PLAGL1: variants seen among roughly 807,000 people sequenced by gnomAD.
The protein encoded by PLAGL1 is zinc finger protein PLAGL1.
PLAGL1 carries 1 observed loss-of-function variant against 4.6 expected under a neutral mutation model. The ratio of observed to expected loss-of-function variants is 0.22; its 90% CI spans 0.08 to 1.03. The LOEUF (loss-of-function observed/expected upper bound fraction) is 1.03. PLAGL1 is among the 50% of genes least tolerant of loss of function. PLAGL1 has a pLI of 0.58. For missense variants in PLAGL1, 464 were observed against 570.4 expected, an observed-to-expected ratio of 0.81 and a Z score of 1.90; for synonymous variants, 240 against 237.8, an observed-to-expected ratio of 1.01 and a Z score of -0.08.
chr6:143,948,139 G>A lies in PLAGL1; in HGVS notation c.-3C>T. 1.2e-6 allele frequency: 2 copies of A among 1,612,746 alleles called. No homozygotes were observed. The highest frequency in any genetic ancestry group is 1.7e-6 in the Non-Finnish European group (2 of 1,179,478). On this transcript the variant is annotated 5_prime_UTR_variant, in exon 7 of 8. Transcript: ENST00000674357. The surrounding 1 kb of genome is among the most constrained non-coding windows in gnomAD (Gnocchi z 6.0). Reference sequence around the variant, plus strand: ...AACTGGCAGGGGAACGTGGCCATGGGCTTTGCTTCTCACACCTTCCTTTTC... The same window carrying A: ...AACTGGCAGGGGAACGTGGCCATGGACTTTGCTTCTCACACCTTCCTTTTC...
In PLAGL1 at chr6:143,961,387, T is replaced by A. The variant is rs965619430; in HGVS notation, c.-398-845A>T. 1.3e-5 allele frequency: 2 copies of A among 152,240 alleles called. No individual in the cohort carries two copies. Among genetic ancestry groups the A allele is most frequent in the African/African-American group, 4.8e-5 (2 of 41,460 alleles). The allele number at this position is 152,240 out of a possible 1,614,324, so 9.4% of individuals were successfully genotyped here. On this transcript the variant is annotated intron_variant, in intron 5 of 7. Coordinates refer to ENST00000674357, the MANE Select transcript of PLAGL1 (RefSeq NM_001317162.2). The surrounding 1 kb of genome is among the most constrained non-coding windows in gnomAD (Gnocchi z 6.5). Reference sequence around the variant, plus strand: ...AATCTGCTATGGAACAAAGCCAATTTATATCTCGCCTAAGTGATTTATTCA... The same window carrying A: ...AATCTGCTATGGAACAAAGCCAATTAATATCTCGCCTAAGTGATTTATTCA...
Position 143,983,443 on chromosome 6 carries a change from G to A in PLAGL1, c.-544+1692C>T, listed in dbSNP as rs1464411762. ...AATGCATGATGCAGGAGAGAGAAGG[G>A]ACAACTACTGTAGCTATATCCTTGA... On this transcript the variant is annotated intron_variant, in intron 2 of 7. Coordinates refer to ENST00000674357, the MANE Select transcript of PLAGL1 (RefSeq NM_001317162.2). This position sits in a 1 kb window ranked among gnomAD's most constrained non-coding sequence, Gnocchi z 6.6. Among the ~76,000 whole-genome samples, 1 of 152,082 alleles carries A rather than the reference G, an allele frequency of 6.6e-6. No homozygotes were observed. The highest frequency in any genetic ancestry group is 1.9e-4 in the East Asian group (1 of 5,206).
At chr6:144,062,754 C>T (rs1160274939) in intron 1 of PLAGL1, among the ~76,000 whole-genome samples, 1 of 152,154 alleles carries the variant, frequency 6.6e-6, no homozygotes, top group African/African-American at 2.4e-5. Context: ...AGCATTTATT[C>T]ATCTTTATAT....
At position 144,056,633 on chromosome 6, in the gene PLAGL1, T is replaced by C. The variant is rs191364313; in HGVS notation, c.-151+7835A>G. On this transcript the variant is annotated intron_variant, in intron 1 of 3. Transcript: ENST00000437412. The surrounding 1 kb of genome is among the most constrained non-coding windows in gnomAD (Gnocchi z 4.7). Reference sequence around the variant, plus strand: ...GTAATATGCATTTAAGATTCCTCCATGTCCTTTCATGGCTTGATAGCTCTT... The same window carrying C: ...GTAATATGCATTTAAGATTCCTCCACGTCCTTTCATGGCTTGATAGCTCTT... Among the ~76,000 whole-genome samples, 6 of 152,300 alleles carry C rather than the reference T, an allele frequency of 3.9e-5. No individual in the cohort carries two copies. Among genetic ancestry groups the C allele is most frequent in the Admixed American group, 2.6e-4 (4 of 15,290 alleles).
At position 143,940,840 on chromosome 6, in the gene PLAGL1, T is replaced by C. The variant is rs1186861687; in HGVS notation, c.*584A>G. 2.0e-5 allele frequency: 3 copies of C among 152,620 alleles called. 1 individual carries two copies. In the East Asian group the frequency reaches 5.8e-4, roughly 30 times the overall value. The allele number at this position is 152,620 out of a possible 1,614,324, so 9.5% of individuals were successfully genotyped here. On this transcript the variant is annotated 3_prime_UTR_variant, in exon 8 of 8. Coordinates refer to ENST00000674357, the MANE Select transcript of PLAGL1 (RefSeq NM_001317162.2). ...TCTTGTGGAAAATATTCAAACTACATTTAAAATGCTTCTGTAAAATGGAGA... is the reference window on the plus strand; with the variant it reads ...TCTTGTGGAAAATATTCAAACTACACTTAAAATGCTTCTGTAAAATGGAGA...
At chr6:143,951,287 C>A (rs138549290) in intron 6 of PLAGL1, among the ~76,000 whole-genome samples, 15 of 152,304 alleles carry the variant, frequency 9.8e-5, no homozygotes, top group African/African-American at 3.6e-4. Context: ...TACTATAGAA[C>A]CATGTGTCAA....
intron 1 of PLAGL1, among the ~76,000 whole-genome samples, chr6:144,047,590 C>A (rs1798259023): frequency 6.6e-6 from 1 of 152,010 alleles, no homozygotes; most frequent in East Asian, 1.9e-4. Context: ...GGGAAAATTC[C>A]CTTATAAAAC....
chr6:144,026,184 T>A (rs1487420392), intron 1 of PLAGL1, among the ~76,000 whole-genome samples: 1 of 152,200 alleles, frequency 6.6e-6, no homozygotes, highest in African/African-American at 2.4e-5. Context: ...TGTATGTGTG[T>A]GTGTCCTGGA....
At chr6:144,051,418 G>C (rs1798577566) in intron 1 of PLAGL1, among the ~76,000 whole-genome samples, 1 of 152,092 alleles carries the variant, frequency 6.6e-6, no homozygotes, top group African/African-American at 2.4e-5. Flanking sequence ...CCATGCATGA[G>C]GCACACACAT....
At position 143,959,942 on chromosome 6, in the gene PLAGL1, G is replaced by A. The variant is rs1363611826; in HGVS notation, c.-325+527C>T. Among the ~76,000 whole-genome samples the A allele has an allele frequency of 1.3e-5, 2 of 152,222 alleles. No individual in the cohort carries two copies. Among genetic ancestry groups the A allele is most frequent in the East Asian group, 3.8e-4 (2 of 5,204 alleles). Reference sequence around the variant, plus strand: ...CCTTCTAGCCACACTGTCTACATGAGCAGTGAAGTTCAGCAACTGCTTTAC... The same window carrying A: ...CCTTCTAGCCACACTGTCTACATGAACAGTGAAGTTCAGCAACTGCTTTAC... On this transcript the variant is annotated intron_variant, in intron 6 of 7. Transcript: ENST00000674357. This position sits in a 1 kb window ranked among gnomAD's most constrained non-coding sequence, Gnocchi z 5.3.
At chr6:143,992,273 A>G (rs1790647389) in intron 1 of PLAGL1, among the ~76,000 whole-genome samples, 1 of 152,252 alleles carries the variant, frequency 6.6e-6, no homozygotes, top group African/African-American at 2.4e-5. Context: ...AGTGGCTGAG[A>G]AGGCCAAGTG....
rs767555470 is a variant in PLAGL1 at position 143,990,777 on chromosome 6, G to C, written c.-583-5603C>G. Among the ~76,000 whole-genome samples, 1 of 152,128 alleles carries C rather than the reference G, an allele frequency of 6.6e-6. No individual in the cohort carries two copies. The highest frequency in any genetic ancestry group is 6.5e-5 in the Admixed American group (1 of 15,278). On this transcript the variant is annotated intron_variant, in intron 1 of 7. Coordinates refer to ENST00000674357, the MANE Select transcript of PLAGL1 (RefSeq NM_001317162.2). This position sits in a 1 kb window ranked among gnomAD's most constrained non-coding sequence, Gnocchi z 5.4. Reference sequence around the variant, plus strand: ...AGGATATTAAAGACTTCATCTTCCCGGGACCCAACCCCTCTTTCCTCCCTT... The same window carrying C: ...AGGATATTAAAGACTTCATCTTCCCCGGACCCAACCCCTCTTTCCTCCCTT...
intron 1 of PLAGL1, among the ~76,000 whole-genome samples, chr6:144,002,724 A>G (rs1487775686): frequency 6.6e-6 from 1 of 152,168 alleles, no homozygotes; most frequent in Non-Finnish European, 1.5e-5. Context: ...AATAAATTGA[A>G]CAATGTGTAA....
Position 143,945,580 on chromosome 6 carries a change from A to G in PLAGL1, c.152+2405T>C, listed in dbSNP as rs146081808. Among the ~76,000 whole-genome samples the G allele has an allele frequency of 4.7e-4, 71 of 152,200 alleles. No homozygotes were observed. The East Asian group carries it at 0.013, about 29-fold the overall frequency. On this transcript the variant is annotated intron_variant, in intron 7 of 7. Coordinates refer to ENST00000674357, the MANE Select transcript of PLAGL1 (RefSeq NM_001317162.2). The surrounding 1 kb of genome is among the most constrained non-coding windows in gnomAD (Gnocchi z 4.2). ...AACCTCTGCCTCCCGGGTTCAAGTG[A>G]TCCTCCTACCTCAGCCTCCCGAGTA...
chr6:143,998,267 T>G (rs1420797731), intron 1 of PLAGL1, among the ~76,000 whole-genome samples: 1 of 152,232 alleles, frequency 6.6e-6, no homozygotes, highest in African/African-American at 2.4e-5. Context: ...AGCAAAGCTT[T>G]CACTGTGTAT....
rs1779653995 is a variant in PLAGL1, at chr6:143,945,870, T to G, written c.152+2115A>C. The stretch of plus-strand genomic sequence containing the variant: ...GCGAGAGGCAAGAAATGCTGGGGGC[T>G]GAGGCAGGGAAGGCGGTTCTTGCAT... On this transcript the variant is annotated intron_variant, in intron 7 of 7. Transcript: ENST00000674357. The surrounding 1 kb of genome is among the most constrained non-coding windows in gnomAD (Gnocchi z 4.2). Among the ~76,000 whole-genome samples the G allele has an allele frequency of 6.6e-6, 1 of 152,222 alleles. No homozygotes were observed. Among genetic ancestry groups the G allele is most frequent in the Non-Finnish European group, 1.5e-5 (1 of 68,046 alleles).
At chr6:144,021,318 T>C (rs899884844) in intron 1 of PLAGL1, among the ~76,000 whole-genome samples, 1 of 152,182 alleles carries the variant, frequency 6.6e-6, no homozygotes, top group Non-Finnish European at 1.5e-5. Context: ...ATTTTAGCAA[T>C]TATTACTGTA....
rs1583910271 is a variant in PLAGL1 at position 144,056,339 on chromosome 6, C to T, written c.-151+8129G>A. 6.6e-6 allele frequency among the ~76,000 whole-genome samples: 1 copy of T among 152,236 alleles called. No homozygotes were observed. Among genetic ancestry groups the T allele is most frequent in the African/African-American group, 2.4e-5 (1 of 41,468 alleles). ...TCAATCCACACTGACACACCATTATCACCCAGCGTCCATGGTTCACATTCG... is the reference window on the plus strand; with the variant it reads ...TCAATCCACACTGACACACCATTATTACCCAGCGTCCATGGTTCACATTCG... On this transcript the variant is annotated intron_variant, in intron 1 of 3. Coordinates refer to the PLAGL1 transcript ENST00000437412. This position sits in a 1 kb window ranked among gnomAD's most constrained non-coding sequence, Gnocchi z 4.7.
At chr6:144,045,305 T>G (rs1798057250) in intron 1 of PLAGL1, among the ~76,000 whole-genome samples, 1 of 152,224 alleles carries the variant, frequency 6.6e-6, no homozygotes, top group East Asian at 1.9e-4. Context: ...TGGGCATGTT[T>G]TTGCAGTGGC....
Sources: gnomAD v4.1 joint callset for allele counts (sites outside exome capture counted in the v4.1 genomes callset) on GRCh38, gnomAD v4.1.1 for gene constraint, Gnocchi (gnomAD v3.1) non-coding constraint, MANE v1.5 for transcripts, NCBI Gene and HGNC (gene_info 2026-07-23, HGNC 2026-07-21) for gene names.